B4GALT4: variants seen among roughly 807,000 people sequenced by gnomAD.
The protein encoded by B4GALT4 is beta-1,4-galactosyltransferase 4, also known as N-acetyllactosamine synthase.
A neutral mutation model predicts 37.3 loss-of-function variants in B4GALT4; 27 were observed. That is an observed-to-expected ratio of 0.72 (90% CI 0.53 to 1.00). The LOEUF (loss-of-function observed/expected upper bound fraction) is 1.00, where lower values mean the gene tolerates loss of function less well. Among genes scored for constraint, B4GALT4 ranks in the 50% least tolerant of loss-of-function variants. B4GALT4 has a pLI of 0.00. For missense variants in B4GALT4, 372 were observed against 413.1 expected (o/e 0.90, Z 0.86); for synonymous variants, 148 against 154.1 (o/e 0.96, Z 0.29).
At chr3:119,239,413 T>C (rs944248496) in intron 1 of B4GALT4, among the ~76,000 whole-genome samples, 1 of 152,140 alleles carries the variant, frequency 6.6e-6, no homozygotes, top group Admixed American at 6.5e-5. Flanking sequence ...TGTTCACTGA[T>C]GGCTTAAAAC....
intron 3 of B4GALT4, among the ~76,000 whole-genome samples, chr3:119,227,487 A>G (rs2078661224): frequency 6.6e-6 from 1 of 152,062 alleles, no homozygotes; most frequent in East Asian, 1.9e-4. Flanking sequence ...CACTCTTCCC[A>G]CCCCTTCCCT....
intron 3 of B4GALT4, among the ~76,000 whole-genome samples, chr3:119,229,161 AG>A (rs1250487518): frequency 6.6e-6 from 1 of 152,194 alleles, no homozygotes; most frequent in Non-Finnish European, 1.5e-5. Flanking sequence ...GACCCCACTG[AG>A]GCTTGAATGT....
At chr3:119,238,858 C>T (rs1033230538) in intron 1 of B4GALT4, among the ~76,000 whole-genome samples, 1 of 152,164 alleles carries the variant, frequency 6.6e-6, no homozygotes, top group Non-Finnish European at 1.5e-5. Context: ...ACAATTCATT[C>T]ATATAACCTT....
intron 6 of B4GALT4, among the ~76,000 whole-genome samples, 173 bp downstream of exon 6, chr3:119,218,477 C>G (rs1234754642): frequency 6.6e-6 from 1 of 152,168 alleles, no homozygotes; most frequent in East Asian, 1.9e-4. Context: ...CTGCTACTGG[C>G]ACAGAATGAT....
intron 1 of B4GALT4, among the ~76,000 whole-genome samples, chr3:119,237,362 C>T (rs1335540295): frequency 1.3e-5 from 2 of 152,196 alleles, no homozygotes; most frequent in Admixed American, 1.3e-4. Flanking sequence ...TTATCAGATG[C>T]ATGAATGGCT....
chr3:119,229,993 C>T lies in B4GALT4; in HGVS notation c.107G>A (p.Gly36Asp). ...TGCTTTAGGAATCTCTTGAATGGCACCCACGAAGTAGTTACTGGTGGCCCA... is the reference window on the plus strand; with the variant it reads ...TGCTTTAGGAATCTCTTGAATGGCATCCACGAAGTAGTTACTGGTGGCCCA... ...VGWATSNYFV[G>D]AIQEIPKAKE... The change falls in exon 3 of 8, where the codon GGT (glycine) becomes GAT (aspartate). Residue 36 changes from glycine to aspartate, a missense_variant. Transcript: ENST00000393765. 2 of 1,614,138 alleles carry T rather than the reference C, an allele frequency of 1.2e-6. No individual in the cohort carries two copies. The highest frequency in any genetic ancestry group is 1.6e-4 in the Middle Eastern group (1 of 6,062).
In B4GALT4 at chr3:119,226,966, C is replaced by T. The variant is rs756328964; in HGVS notation, c.329G>A (p.Arg110Lys). The change falls in exon 4 of 8, where the codon AGA (arginine) becomes AAA (lysine). Residue 110 changes from arginine (R) to lysine (K), a missense_variant. Coordinates refer to ENST00000393765, the MANE Select transcript of B4GALT4 (RefSeq NM_003778.4). ...ACATTCCTGAGGGCGATACCGGCCTCTGGACACTTTGGGATTTTCTGCCTG... is the reference window on the plus strand; with the variant it reads ...ACATTCCTGAGGGCGATACCGGCCTTTGGACACTTTGGGATTTTCTGCCTG... ...EVQAENPKVS[R>K]GRYRPQECKA... The T allele has an allele frequency of 7.4e-6, 12 of 1,614,198 alleles. 1 individual carries two copies. The South Asian group carries it at 1.3e-4, about 18-fold the overall frequency.
At chr3:119,226,525 G>A (rs1364379225) in intron 4 of B4GALT4, 3 of 425,184 alleles carry the variant, frequency 7.1e-6, no homozygotes, top group African/African-American at 4.0e-5. Flanking sequence ...AAGCCTCCGG[G>A]GAAATCTGAG....
intron 5 of B4GALT4, among the ~76,000 whole-genome samples, chr3:119,222,542 G>C (rs2078480337): frequency 6.6e-6 from 1 of 152,036 alleles, no homozygotes; most frequent in African/African-American, 2.4e-5. Context: ...TCCTTCCCCA[G>C]CTGTAACGTG....
intron 4 of B4GALT4, 113 bp from the exon 5 acceptor site, chr3:119,224,358 C>A: frequency 1.4e-6 from 1 of 716,230 alleles, no homozygotes; most frequent in Non-Finnish European, 2.1e-6. Context: ...ACGCACGAGA[C>A]TACACTTGTG....
intron 4 of B4GALT4, among the ~76,000 whole-genome samples, chr3:119,226,233 G>A (rs1469012570): frequency 6.6e-6 from 1 of 152,176 alleles, no homozygotes; most frequent in Non-Finnish European, 1.5e-5. Flanking sequence ...AAAAGCAGCC[G>A]ATAGTTATGC....
At chr3:119,240,189 G>A (rs2079109588) in intron 1 of B4GALT4, 1 of 151,982 alleles carries the variant, frequency 6.6e-6, no homozygotes, top group Non-Finnish European at 1.5e-5. Flanking sequence ...ACTCTCCTAA[G>A]GCTACCAACC....
At chr3:119,232,257 A>G (rs1219899487) in intron 2 of B4GALT4, among the ~76,000 whole-genome samples, 3 of 152,232 alleles carry the variant, frequency 2.0e-5, no homozygotes, top group East Asian at 1.9e-4. Flanking sequence ...AATAACAAAT[A>G]AAAAGGGCAA....
At chr3:119,213,885 G>T (rs1198797186) in intron 7 of B4GALT4, 1 of 152,096 alleles carries the variant, frequency 6.6e-6, no homozygotes, top group African/African-American at 2.4e-5. Flanking sequence ...TGTTGGAGTG[G>T]TTGACTCTAC....
Position 119,227,014 on chromosome 3 carries a change from G to T in B4GALT4, c.281C>A (p.Pro94Gln), listed in dbSNP as rs769146894. The T allele has an allele frequency of 6.2e-7, 1 of 1,614,152 alleles. No homozygotes were observed. Among genetic ancestry groups the T allele is most frequent in the Non-Finnish European group, 8.5e-7 (1 of 1,180,024 alleles). Reference sequence around the variant, plus strand: ...CTGTACCTCTTCCAAAGTGAGATCTGGTTTGAAAATGAGCTTGCTCTGGCC... The same window carrying T: ...CTGTACCTCTTCCAAAGTGAGATCTTGTTTGAAAATGAGCTTGCTCTGGCC... The part of the protein sequence containing the change: ...LRGQSKLIFK[P>Q]DLTLEEVQAE... Residue 94 changes from proline (P) to glutamine (Q), a missense_variant, in exon 4 of 8, where the codon CCA becomes CAA. Transcript: ENST00000393765.
intron 4 of B4GALT4, among the ~76,000 whole-genome samples, chr3:119,224,491 G>T: frequency 6.6e-6 from 1 of 152,136 alleles, no homozygotes. Context: ...AAGACTTGTT[G>T]TTTAATGATA....
At chr3:119,216,214 G>C in intron 7 of B4GALT4, 26 bp downstream of exon 7, 2 of 1,565,138 alleles carry the variant, frequency 1.3e-6, no homozygotes, top group Non-Finnish European at 1.8e-6. Context: ...GAGGTAGCCT[G>C]CTAGGCAGGT....
rs2078180545 is a variant in B4GALT4, at chr3:119,212,289, T to C, written c.*260A>G. ...AGCGTTCATTTTATCCTTTGAGTCA[T>C]CCTTTTATATAAAGTCCTTCAAGTA... On this transcript the variant is annotated 3_prime_UTR_variant, in exon 8 of 8. Coordinates refer to ENST00000393765, the MANE Select transcript of B4GALT4 (RefSeq NM_003778.4). The C allele has an allele frequency of 1.4e-6, 1 of 695,214 alleles. No homozygotes were observed. Among genetic ancestry groups the C allele is most frequent in the Non-Finnish European group, 2.6e-6 (1 of 382,238 alleles). The allele number at this position is 695,214 out of a possible 1,614,324, so 43.1% of individuals were successfully genotyped here.
At chr3:119,220,366 G>A (rs191687479) in intron 5 of B4GALT4, among the ~76,000 whole-genome samples, 1 of 152,230 alleles carries the variant, frequency 6.6e-6, no homozygotes, top group African/African-American at 2.4e-5. Context: ...CAAGCAATCA[G>A]CATGAGAACA....
Sources: allele counts gnomAD v4.1 joint callset (sites outside exome capture counted in the v4.1 genomes callset), GRCh38; gene constraint gnomAD v4.1.1; transcripts MANE v1.5; gene names NCBI Gene and HGNC (gene_info 2026-07-23, HGNC 2026-07-21).